Variants in ATG16L1 observed in about 807,000 individuals in gnomAD.
The protein encoded by ATG16L1 is autophagy-related protein 16-1.
A neutral mutation model predicts 88.5 loss-of-function variants in ATG16L1; 37 were observed. That is an observed-to-expected ratio of 0.42 (90% CI 0.32 to 0.55). The LOEUF is 0.55. Among genes scored for constraint, ATG16L1 ranks in the 20% least tolerant of loss-of-function variants. The pLI is 0.13. For missense variants in ATG16L1, 554 were observed against 752.8 expected (o/e 0.74, Z 3.09); for synonymous variants, 301 against 281.0 (o/e 1.07, Z -0.71).
chr2:233,254,859 C>A (rs2125194029), intron 1 of ATG16L1, among the ~76,000 whole-genome samples: 1 of 152,304 alleles, frequency 6.6e-6, no homozygotes, highest in Non-Finnish European at 1.5e-5. Flanking sequence ...GGAATAGTCA[C>A]TAGCATAAAC....
Position 233,274,710 on chromosome 2 carries a change from G to A in ATG16L1, c.886G>A (p.Asp296Asn), listed in dbSNP as rs373044901. The change falls in exon 9 of 18, where the codon GAC (aspartate) becomes AAC (asparagine). Residue 296 changes from aspartate (D) to asparagine (N), a missense_variant. Physicochemically the swap from Asp to Asn is conservative, Grantham distance 23. This residue lies in a region of ATG16L1 where 370 missense variants were observed against 509.7 expected (regional missense o/e 0.73). Coordinates refer to ENST00000392017, the MANE Select transcript of ATG16L1 (RefSeq NM_030803.7). ...TGTCTCTTCCTTCCCAGTCCCCCAG[G>A]ACAATGTGGATACTCATCCTGGTTC... The part of the protein sequence containing the change: ...RSVSSFPVPQ[D>N]NVDTHPGSGK... The A allele has an allele frequency of 1.9e-5, 31 of 1,611,980 alleles. No individual in the cohort carries two copies. In the African/African-American group the frequency reaches 3.2e-4, roughly 17 times the overall value.
intron 9 of ATG16L1, chr2:233,277,367 C>G (rs955097672): frequency 1.1e-4 from 55 of 505,316 alleles, no homozygotes; most frequent in East Asian, 1.1e-4. Context: ...GCACTGCACT[C>G]TAATGCAACT....
chr2:233,264,909 A>C lies in ATG16L1; in HGVS notation c.407A>C (p.Gln136Pro). ...GCTTCCAGAATTGCAGAATGTTTGC[A>C]GACTATCTCTGACCTGGAGACGGAG... ...MNEAKIAECL[Q>P]TISDLETECL... The change falls in exon 5 of 18, where the codon CAG (glutamine) becomes CCG (proline). Residue 136 changes from glutamine to proline, a missense_variant. By Grantham distance (76) the Gln-to-Pro change is moderately conservative. This residue lies in a region of ATG16L1 where 50 missense variants were observed against 49.4 expected (regional missense o/e 1.01). Coordinates refer to ENST00000392017, the MANE Select transcript of ATG16L1 (RefSeq NM_030803.7). The C allele has an allele frequency of 1.2e-6, 2 of 1,614,004 alleles. No homozygotes were observed. The highest frequency in any genetic ancestry group is 1.7e-6 in the Non-Finnish European group (2 of 1,179,880).
intron 12 of ATG16L1, among the ~76,000 whole-genome samples, chr2:233,289,408 T>TGAGAGAGA (rs1553609005): frequency 1.4e-4 from 21 of 149,526 alleles, no homozygotes; most frequent in African/African-American, 5.0e-4. Context: ...TGTGTGTGTG[T>TGAGAGAGA]GACAGGATCT....
intron 2 of ATG16L1, among the ~76,000 whole-genome samples, chr2:233,256,919 C>T (rs1696824369): frequency 6.6e-6 from 1 of 152,096 alleles, no homozygotes; most frequent in Non-Finnish European, 1.5e-5. Context: ...CCAGGCTGGT[C>T]TCGAACTCTT....
chr2:233,253,346 T>TTTG (rs1023400095), intron 1 of ATG16L1, among the ~76,000 whole-genome samples: 2 of 134,550 alleles, frequency 1.5e-5, no homozygotes, highest in Admixed American at 1.5e-4. Context: ...TTTTGTTTTT[T>TTTG]TTTTTTTTTT....
At chr2:233,253,710 C>A (rs1357509083) in intron 1 of ATG16L1, among the ~76,000 whole-genome samples, 7 of 152,102 alleles carry the variant, frequency 4.6e-5, no homozygotes, top group African/African-American at 1.7e-4. Flanking sequence ...ACTGGCTCCC[C>A]CAGCAAATGG....
At chr2:233,290,104 C>A in intron 13 of ATG16L1, 130 bp downstream of exon 13, 1 of 1,510,618 alleles carries the variant, frequency 6.6e-7, no homozygotes. Flanking sequence ...TTTAGAGGGG[C>A]ACTGAGGATA....
At chr2:233,281,820 C>T (rs1283919672) in intron 11 of ATG16L1, among the ~76,000 whole-genome samples, 1 of 152,128 alleles carries the variant, frequency 6.6e-6, no homozygotes, top group African/African-American at 2.4e-5. Context: ...TCTGGGGAGC[C>T]TTGTTCACAT....
intron 5 of ATG16L1, among the ~76,000 whole-genome samples, chr2:233,269,777 A>G (rs1035524957): frequency 1.3e-5 from 2 of 152,172 alleles, no homozygotes; most frequent in African/African-American, 4.8e-5. Context: ...TTCTCTAATA[A>G]TGTGGCCTAT....
In ATG16L1 at chr2:233,294,383, C is replaced by T. The variant is rs150308544; in HGVS notation, c.*33C>T. 3.7e-3 allele frequency: 5,855 copies of T among 1,575,132 alleles called. 24 individuals carry two copies. Among genetic ancestry groups the T allele is most frequent in the Middle Eastern group, 0.012 (69 of 5,960 alleles). On this transcript the variant is annotated 3_prime_UTR_variant, in exon 18 of 18. Transcript: ENST00000392017. Reference sequence around the variant, plus strand: ...CTCAGGGCTGGGAGGACCCCAGTGCCCTCCTCAGAAGAAGCACATGGGCTC... The same window carrying T: ...CTCAGGGCTGGGAGGACCCCAGTGCTCTCCTCAGAAGAAGCACATGGGCTC...
chr2:233,287,285 G>A (rs1222014279), intron 12 of ATG16L1, among the ~76,000 whole-genome samples: 4 of 152,232 alleles, frequency 2.6e-5, no homozygotes. Context: ...AAGCTTAAAA[G>A]AGTAATGGAT....
At chr2:233,255,705 C>T (rs1421862298) in intron 1 of ATG16L1, among the ~76,000 whole-genome samples, 1 of 152,176 alleles carries the variant, frequency 6.6e-6, no homozygotes, top group African/African-American at 2.4e-5. Context: ...AGTGTATTCT[C>T]TGTACCTTTT....
At chr2:233,289,376 G>GGTGTGTGTGTGTGTGTGT (rs757994844) in intron 12 of ATG16L1, among the ~76,000 whole-genome samples, 89 of 55,310 alleles carry the variant, frequency 1.6e-3, no homozygotes, top group Admixed American at 8.1e-3. Flanking sequence ...TCCTGTTTGG[G>GGTGTGTGTGTGTGTGTGT]ATGTGTGTGT....
At chr2:233,285,337 T>C (rs1016337699) in intron 12 of ATG16L1, among the ~76,000 whole-genome samples, 1 of 152,198 alleles carries the variant, frequency 6.6e-6, no homozygotes, top group African/African-American at 2.4e-5. Flanking sequence ...ATTTTTTAAT[T>C]GGTAATAGAG....
chr2:233,265,197 G>C (rs1488287181), intron 5 of ATG16L1, 54 bp downstream of exon 5: 2 of 1,579,616 alleles, frequency 1.3e-6, no homozygotes, highest in East Asian at 4.5e-5. Flanking sequence ...GTAGAACCTA[G>C]GTCTTTGAAA....
At chr2:233,281,480 C>T (rs919989341) in intron 11 of ATG16L1, among the ~76,000 whole-genome samples, 3 of 152,096 alleles carry the variant, frequency 2.0e-5, no homozygotes, top group African/African-American at 7.2e-5. Flanking sequence ...CTCTACCCTC[C>T]GAGATTCGCC....
chr2:233,268,725 G>A (rs1174440940), intron 5 of ATG16L1, among the ~76,000 whole-genome samples: 1 of 152,142 alleles, frequency 6.6e-6, no homozygotes, highest in African/African-American at 2.4e-5. Context: ...TGGATAAATT[G>A]TATTTTTGGT....
rs766364379 is a variant in ATG16L1, at chr2:233,281,132, C to T, written c.1088C>T (p.Ser363Phe). 3.7e-6 allele frequency: 6 copies of T among 1,604,304 alleles called. No individual in the cohort carries two copies. The highest frequency in any genetic ancestry group is 5.1e-6 in the Non-Finnish European group (6 of 1,177,386). ...GEKCEFKGSL[S>F]GSNAGITSIE... ...AAATGTGAGTTCAAGGGTTCCCTAT[C>T]TGGCAGTAATGCAGGAATTACAAGC... Residue 363 changes from serine (S) to phenylalanine (F), a missense_variant, in exon 11 of 18, where the codon TCT (serine) becomes TTT (phenylalanine). Ser to Phe is a radical substitution (Grantham distance 155, BLOSUM62 -2). Coordinates refer to ENST00000392017, the MANE Select transcript of ATG16L1 (RefSeq NM_030803.7).
Sources: allele counts gnomAD v4.1 joint callset (sites outside exome capture counted in the v4.1 genomes callset), GRCh38; gene constraint gnomAD v4.1.1; regional missense constraint gnomAD v4.1.1; transcripts MANE v1.5; gene names NCBI Gene and HGNC (gene_info 2026-07-23, HGNC 2026-07-21).